FBXO38: variants seen among roughly 807,000 people sequenced by gnomAD.
The protein encoded by FBXO38 is F-box protein 38, also known as F-box only protein 38.
A neutral mutation model predicts 131.9 loss-of-function variants in FBXO38; 53 were observed. That is an observed-to-expected ratio of 0.40 (90% CI 0.32 to 0.51). The LOEUF (loss-of-function observed/expected upper bound fraction) is 0.51. FBXO38 is among the 20% of genes least tolerant of loss of function. The pLI, the probability that FBXO38 is intolerant of heterozygous loss-of-function variation, is 0.53. For synonymous variants in FBXO38, 452 were observed against 505.6 expected (o/e 0.89, Z 1.42); for missense variants, 1,076 against 1,475.6 (o/e 0.73, Z 4.44).
chr5:148,410,491 T>A (rs1752687029), intron 8 of FBXO38, 144 bp from the exon 9 acceptor site: 1 of 976,052 alleles, frequency 1.0e-6, no homozygotes, highest in Non-Finnish European at 1.5e-6. Flanking sequence ...GAACTGTGAG[T>A]CCATTAAAAC....
chr5:148,425,439 AT>A, intron 13 of FBXO38, 82 bp from the exon 14 acceptor site: 1 of 1,084,250 alleles, frequency 9.2e-7, no homozygotes, highest in Admixed American at 2.1e-5. Context: ...ATCTCTGTTG[AT>A]TCCAGATCCC....
Position 148,427,739 on chromosome 5 carries a change from T to G in FBXO38, c.2445T>G (p.Phe815Leu), listed in dbSNP as rs140461802. 2 of 1,613,860 alleles carry G rather than the reference T, an allele frequency of 1.2e-6. No homozygotes were observed. Among genetic ancestry groups the G allele is most frequent in the African/African-American group, 2.7e-5 (2 of 75,044 alleles). Residue 815 changes from phenylalanine to leucine, a missense_variant, in exon 15 of 22, where the codon TTT becomes TTG. By Grantham distance (22) the Phe-to-Leu change is conservative (BLOSUM62 0). Around this residue, in one of 8 missense-constraint regions of FBXO38, gnomAD observed 213 missense variants for 225.2 expected, o/e 0.95. Coordinates refer to ENST00000340253, the MANE Select transcript of FBXO38 (RefSeq NM_205836.3). Reference protein sequence around the residue: ...VNGPDGTRSAFSFRTLPQGGS... With the variant: ...VNGPDGTRSALSFRTLPQGGS... ...GCCCGGATGGTACGAGATCCGCCTT[T>G]TCCTTTAGGACTCTGCCACAAGGGG...
rs1161148986 is a variant in FBXO38 at position 148,427,701 on chromosome 5, T to C, written c.2407T>C (p.Cys803Arg). 3.1e-6 allele frequency: 5 copies of C among 1,614,162 alleles called. No homozygotes were observed. The highest frequency in any genetic ancestry group is 4.2e-6 in the Non-Finnish European group (5 of 1,180,008). The change falls in exon 15 of 22, where the codon TGT becomes CGT. Residue 803 changes from cysteine (C) to arginine (R), a missense_variant. Transcript: ENST00000340253. ...DEERPSTSRA[C>R]VVNGPDGTRS... ...GGAACGTCCTTCAACCAGCCGAGCC[T>C]GTGTTGTGAATGGCCCGGATGGTAC...
At chr5:148,398,925 G>GAA in intron 2 of FBXO38, 74 bp from the exon 3 acceptor site, 3 of 1,494,334 alleles carry the variant, frequency 2.0e-6, no homozygotes, top group Non-Finnish European at 2.7e-6. Context: ...TTGGAAGAAG[G>GAA]AAAAAAAAAT....
chr5:148,407,259 C>T (rs959337547), intron 7 of FBXO38, among the ~76,000 whole-genome samples: 2 of 152,156 alleles, frequency 1.3e-5, no homozygotes, highest in African/African-American at 4.8e-5. Context: ...AAGAAGGCTA[C>T]TGGTGTATTC....
rs1188977922 is a variant in FBXO38 at position 148,427,551 on chromosome 5, T to G, written c.2257T>G (p.Ser753Ala). 2 of 1,613,906 alleles carry G rather than the reference T, an allele frequency of 1.2e-6. No individual in the cohort carries two copies. Among genetic ancestry groups the G allele is most frequent in the African/African-American group, 2.7e-5 (2 of 74,866 alleles). Residue 753 changes from serine (S) to alanine (A), a missense_variant, in exon 15 of 22, where the codon TCC becomes GCC. Around this residue, in one of 8 missense-constraint regions of FBXO38, gnomAD observed 213 missense variants for 225.2 expected, o/e 0.95. Coordinates refer to ENST00000340253, the MANE Select transcript of FBXO38 (RefSeq NM_205836.3). The stretch of plus-strand genomic sequence containing the variant: ...GGATGTGTCCAGGCAGTGTGCCTGC[T>G]CCCCCGGTGGGTCAGAGGACTCTGA... Reference protein sequence around the residue: ...EVDVSRQCACSPGGSEDSEAM... With the variant: ...EVDVSRQCACAPGGSEDSEAM...
chr5:148,387,527 A>G (rs1478985412), intron 1 of FBXO38, among the ~76,000 whole-genome samples: 1 of 152,180 alleles, frequency 6.6e-6, no homozygotes, highest in Non-Finnish European at 1.5e-5. Context: ...ACTGGATTCC[A>G]AACTCTTGTT....
intron 11 of FBXO38, 59 bp downstream of exon 11, chr5:148,416,129 C>T: frequency 1.4e-6 from 2 of 1,427,896 alleles, no homozygotes; most frequent in Non-Finnish European, 9.3e-7. Flanking sequence ...TAAAAACAGC[C>T]TGTGATTTTT....
In FBXO38 at chr5:148,441,306, T is replaced by G. The variant is rs908023338; in HGVS notation, c.3388+69T>G. The stretch of plus-strand genomic sequence containing the variant: ...AGCCTACTGTGTTACATACTTAATA[T>G]CTTTTTGTGAGTTAGGAGCAGTGCA... On this transcript the variant is annotated intron_variant, in intron 21 of 21. Transcript: ENST00000340253. The G allele has an allele frequency of 3.3e-5, 38 of 1,154,844 alleles. 1 individual carries two copies. In the South Asian group the frequency reaches 4.8e-4, roughly 15 times the overall value. 71.5% of individuals were successfully genotyped at this position (1,154,844 alleles called of 1,614,324 possible).
chr5:148,440,389 T>C (rs1754606893), intron 19 of FBXO38, 35 bp from the exon 20 acceptor site: 4 of 1,309,636 alleles, frequency 3.1e-6, no homozygotes, highest in South Asian at 1.2e-5. Context: ...TTTCCAGTTT[T>C]GTAATTTTTA....
chr5:148,414,399 A>T, intron 10 of FBXO38, 93 bp downstream of exon 10: 1 of 1,134,076 alleles, frequency 8.8e-7, no homozygotes, highest in Non-Finnish European at 1.2e-6. Flanking sequence ...TGCATTCCTA[A>T]TGTAAAATGT....
At chr5:148,441,475 A>G in intron 21 of FBXO38, 1 of 361,332 alleles carries the variant, frequency 2.8e-6, no homozygotes, top group East Asian at 5.0e-5. Context: ...TTCCTACAAG[A>G]TTTTTATATT....
At chr5:148,397,023 C>T (rs1186788416) in intron 2 of FBXO38, among the ~76,000 whole-genome samples, 1 of 152,128 alleles carries the variant, frequency 6.6e-6, no homozygotes, top group African/African-American at 2.4e-5. Context: ...GTGGAGAAAA[C>T]AGCATTTGAC....
At position 148,411,016 on chromosome 5, in the gene FBXO38, A is replaced by G. The variant is rs1581251375; in HGVS notation, c.1093+251A>G. 17 of 402,184 alleles carry G rather than the reference A, an allele frequency of 4.2e-5. 1 individual carries two copies. Among genetic ancestry groups the G allele is most frequent in the South Asian group, 1.6e-4 (4 of 24,270 alleles). The allele number at this position is 402,184 out of a possible 1,614,324, so 24.9% of individuals were successfully genotyped here. ...ACACCAGAAAAAGAACCTTATCTACATTTGATATTGTCTCCACTTTACTGC... is the reference window on the plus strand; with the variant it reads ...ACACCAGAAAAAGAACCTTATCTACGTTTGATATTGTCTCCACTTTACTGC... On this transcript the variant is annotated intron_variant, in intron 9 of 21. Coordinates refer to ENST00000340253, the MANE Select transcript of FBXO38 (RefSeq NM_205836.3).
intron 12 of FBXO38, among the ~76,000 whole-genome samples, chr5:148,422,637 A>C (rs1753505650): frequency 6.6e-6 from 1 of 152,234 alleles, no homozygotes; most frequent in Non-Finnish European, 1.5e-5. Flanking sequence ...TAAGATGCTC[A>C]GTAAGTATTC....
chr5:148,436,960 A>G (rs575152216), intron 17 of FBXO38, among the ~76,000 whole-genome samples: 4 of 152,366 alleles, frequency 2.6e-5, no homozygotes, highest in African/African-American at 9.6e-5. Context: ...TAGCACTGGA[A>G]GAACTTTCAT....
intron 12 of FBXO38, 85 bp from the exon 13 acceptor site, chr5:148,423,913 G>T (rs189173223): frequency 9.8e-6 from 13 of 1,324,670 alleles, no homozygotes; most frequent in East Asian, 2.5e-5. Flanking sequence ...GGACTGTTCA[G>T]TTCTTAGGGC....
chr5:148,403,218 A>G (rs1752260371), intron 5 of FBXO38, among the ~76,000 whole-genome samples: 1 of 152,142 alleles, frequency 6.6e-6, no homozygotes, highest in Non-Finnish European at 1.5e-5. Flanking sequence ...TATATTTTCT[A>G]CAATGCCTGT....
intron 12 of FBXO38, among the ~76,000 whole-genome samples, chr5:148,419,971 T>G (rs759521458): frequency 9.2e-5 from 14 of 151,848 alleles, no homozygotes; most frequent in Non-Finnish European, 1.6e-4. Context: ...TATCAAAATT[T>G]TATAATTTGG....
Sources: allele counts gnomAD v4.1 joint callset (sites outside exome capture counted in the v4.1 genomes callset), GRCh38; gene constraint gnomAD v4.1.1; regional missense constraint gnomAD v4.1.1; transcripts MANE v1.5; gene names NCBI Gene and HGNC (gene_info 2026-07-23, HGNC 2026-07-21).